Variants in UBE2L3 observed in about 807,000 individuals in gnomAD.
The protein encoded by UBE2L3 is ubiquitin conjugating enzyme E2 L3, also known as ubiquitin-conjugating enzyme E2 L3.
A neutral mutation model predicts 17.8 loss-of-function variants in UBE2L3; 1 was observed. The ratio of observed to expected loss-of-function variants is 0.06; its 90% CI spans 0.02 to 0.27. The LOEUF is 0.27. Ranked by LOEUF, UBE2L3 falls within the 10% of genes least tolerant of loss-of-function variation. The probability of loss-of-function intolerance (pLI) is 1.00; values close to 1 mark genes in which losing one functional copy is unlikely to be tolerated. For synonymous variants in UBE2L3, 44 were observed against 68.5 expected (o/e 0.64, Z 1.76); for missense variants, 40 against 192.6 (o/e 0.21, Z 4.69).
chr22:21,590,227 C>T (rs1051531075), intron 1 of UBE2L3, among the ~76,000 whole-genome samples: 2 of 152,008 alleles, frequency 1.3e-5, no homozygotes, highest in Admixed American at 6.6e-5. Flanking sequence ...GACAGAGTTT[C>T]GCTCTTTTCG....
intron 3 of UBE2L3, among the ~76,000 whole-genome samples, chr22:21,612,432 T>TCTCCTGC (rs1929528905): frequency 6.6e-6 from 1 of 151,784 alleles, no homozygotes; most frequent in African/African-American, 2.4e-5. Flanking sequence ...TTCGCGCCAT[T>TCTCCTGC]CTCCTGCCTC....
chr22:21,592,106 G>A (rs2148421894), intron 1 of UBE2L3, among the ~76,000 whole-genome samples: 1 of 152,330 alleles, frequency 6.6e-6, no homozygotes, highest in Non-Finnish European at 1.5e-5. Context: ...TGCTTTCTGG[G>A]TGAAATGGCA....
chr22:21,581,372 T>A (rs1927627048), intron 1 of UBE2L3, among the ~76,000 whole-genome samples: 1 of 152,142 alleles, frequency 6.6e-6, no homozygotes, highest in South Asian at 2.1e-4. Context: ...TTATTATTTG[T>A]AGAGATGGGA....
At chr22:21,604,583 T>G (rs11089629) in intron 2 of UBE2L3, among the ~76,000 whole-genome samples, 48,175 of 152,070 alleles carry the variant, frequency 0.32, 8,899 homozygotes, top group East Asian at 0.51. Flanking sequence ...CTGCAATGTT[T>G]TATAATATAT....
chr22:21,616,020 C>T (rs1929752062), intron 3 of UBE2L3, among the ~76,000 whole-genome samples: 1 of 152,138 alleles, frequency 6.6e-6, no homozygotes, highest in Non-Finnish European at 1.5e-5. Context: ...TTTATTTGGG[C>T]ATGAGTTATA....
At chr22:21,596,427 A>G (rs950955660) in intron 2 of UBE2L3, among the ~76,000 whole-genome samples, 4 of 151,586 alleles carry the variant, frequency 2.6e-5, no homozygotes, top group Non-Finnish European at 5.9e-5. Context: ...CTGGAGTGCA[A>G]TGGTGTGATT....
rs1169042888 is a variant in UBE2L3, at chr22:21,554,301, A to T, written c.201+4651A>T. 4.4e-5 allele frequency among the ~76,000 whole-genome samples: 2 copies of T among 45,012 alleles called. 1 individual carries two copies. The highest frequency in any genetic ancestry group is 1.1e-4 in the Non-Finnish European group (2 of 17,990). The allele number at this position is 45,012 out of a possible 152,430, so 29.5% of individuals were successfully genotyped here. On this transcript the variant is annotated intron_variant, in intron 1 of 3. Coordinates refer to the UBE2L3 transcript ENST00000458578. ...GGCCGAGATCCCGCCACTGCACTCCAGCCTGGGCGACAGAGCAAGACTCCA... is the reference window on the plus strand; with the variant it reads ...GGCCGAGATCCCGCCACTGCACTCCTGCCTGGGCGACAGAGCAAGACTCCA...
chr22:21,610,384 C>T (rs145223399), intron 2 of UBE2L3, among the ~76,000 whole-genome samples: 1,807 of 152,290 alleles, frequency 0.012, 19 homozygotes, highest in South Asian at 0.022. Flanking sequence ...CCACACAAAA[C>T]CTATAGAATG....
intron 1 of UBE2L3, among the ~76,000 whole-genome samples, chr22:21,552,720 CT>C (rs1286930537): frequency 5.6e-4 from 3 of 5,332 alleles, no homozygotes; most frequent in African/African-American, 3.6e-3. Flanking sequence ...TCCAGATGTT[CT>C]TTTTTTTTTT....
intron 2 of UBE2L3, among the ~76,000 whole-genome samples, chr22:21,593,761 G>A (rs1283895035): frequency 2.6e-5 from 4 of 152,170 alleles, no homozygotes; most frequent in Non-Finnish European, 5.9e-5. Flanking sequence ...TGGCATCATG[G>A]CCCTTGCTTG....
rs574836523 is a variant in UBE2L3, at chr22:21,561,558, G to A, written c.201+11908G>A. Among the ~76,000 whole-genome samples the A allele has an allele frequency of 2.0e-5, 3 of 152,384 alleles. No individual in the cohort carries two copies. In the East Asian group the frequency reaches 5.8e-4, roughly 29 times the overall value. On this transcript the variant is annotated intron_variant, in intron 1 of 3. Transcript: ENST00000458578. ...GATCACACCACTATACTCCAGCCTG[G>A]GTGACAGAGCCAGACCCTATCTCAA...
chr22:21,591,485 A>G (rs902822588), intron 1 of UBE2L3, among the ~76,000 whole-genome samples: 11 of 152,166 alleles, frequency 7.2e-5, no homozygotes, highest in African/African-American at 2.4e-4. Flanking sequence ...GTATTCATTC[A>G]CTGCACTCTC....
intron 1 of UBE2L3, among the ~76,000 whole-genome samples, chr22:21,580,270 C>T (rs1462980687): frequency 2.0e-5 from 3 of 152,176 alleles, no homozygotes; most frequent in Admixed American, 6.6e-5. Context: ...CATCTCTGAG[C>T]CTTGGCTTTA....
chr22:21,607,615 G>A (rs771872688), intron 2 of UBE2L3, among the ~76,000 whole-genome samples: 2 of 152,104 alleles, frequency 1.3e-5, no homozygotes, highest in Non-Finnish European at 2.9e-5. Context: ...GCAGACCTGG[G>A]TGAGGGAAAA....
chr22:21,560,444 C>CTGT (rs1926391639), intron 1 of UBE2L3, among the ~76,000 whole-genome samples: 1 of 135,172 alleles, frequency 7.4e-6, no homozygotes, highest in Non-Finnish European at 1.5e-5. Context: ...CCCTTTAGAT[C>CTGT]TATTTTTTTT....
At chr22:21,593,152 T>G (rs1322191848) in intron 2 of UBE2L3, among the ~76,000 whole-genome samples, 196 bp downstream of exon 2, 1 of 151,976 alleles carries the variant, frequency 6.6e-6, no homozygotes, top group Non-Finnish European at 1.5e-5. Flanking sequence ...TTGGCACTCG[T>G]TTTGTCAAAT....
chr22:21,578,476 T>C (rs1927441138), intron 1 of UBE2L3, among the ~76,000 whole-genome samples: 1 of 152,082 alleles, frequency 6.6e-6, no homozygotes, highest in Admixed American at 6.6e-5. Flanking sequence ...TGTCAGGCTT[T>C]GTGTGGTTGA....
chr22:21,613,490 G>C (rs1353512508), intron 3 of UBE2L3, among the ~76,000 whole-genome samples: 2 of 152,150 alleles, frequency 1.3e-5, no homozygotes, highest in African/African-American at 4.8e-5. Flanking sequence ...GGACAGTTGA[G>C]GATTCCTTCC....
At chr22:21,613,628 C>T (rs982386586) in intron 3 of UBE2L3, among the ~76,000 whole-genome samples, 3 of 152,110 alleles carry the variant, frequency 2.0e-5, no homozygotes, top group Non-Finnish European at 4.4e-5. Flanking sequence ...CATTATAACC[C>T]CTATCAAAAC....
Sources: gnomAD v4.1 joint callset for allele counts (sites outside exome capture counted in the v4.1 genomes callset) on GRCh38, gnomAD v4.1.1 for gene constraint, MANE v1.5 for transcripts, NCBI Gene and HGNC (gene_info 2026-07-23, HGNC 2026-07-21) for gene names.